RAP1A: variants seen among roughly 807,000 people sequenced by gnomAD.
RAP1A encodes the protein RAP1A, member of RAS oncogene family, also known as ras-related protein Rap-1A.
A neutral mutation model predicts 26.4 loss-of-function variants in RAP1A; 6 were observed. The ratio of observed to expected loss-of-function variants is 0.23; its 90% confidence interval spans 0.12 to 0.45. The LOEUF is 0.45. Among genes scored for constraint, RAP1A ranks in the 20% least tolerant of loss-of-function variants. The probability of loss-of-function intolerance (pLI) is 0.99; values close to 1 mark genes in which losing one functional copy is unlikely to be tolerated. For missense variants in RAP1A, 121 were observed against 217.2 expected (o/e 0.56, Z 2.78); for synonymous variants, 73 against 79.4 (o/e 0.92, Z 0.43).
intron 1 of RAP1A, among the ~76,000 whole-genome samples, chr1:111,640,041 A>G (rs944128831): frequency 1.1e-4 from 17 of 152,380 alleles, no homozygotes; most frequent in African/African-American, 3.8e-4. Flanking sequence ...TGAGTCCTTT[A>G]TCTCAGAATC....
chr1:111,716,211 G>A lies in RAP1A; in HGVS notation c.*3810G>A, dbSNP rs1662537852. 1 of 152,196 alleles carries A rather than the reference G, an allele frequency of 6.6e-6. No homozygotes were observed. The highest frequency in any genetic ancestry group is 1.5e-5 in the Non-Finnish European group (1 of 68,038). 9.4% of individuals were successfully genotyped at this position (152,196 alleles called of 1,614,324 possible). On this transcript the variant is annotated 3_prime_UTR_variant, in exon 8 of 8. Coordinates refer to ENST00000369709, the MANE Select transcript of RAP1A (RefSeq NM_002884.4). ...AGAGTGGTTTGGATTCTTGTCCAGG[G>A]TCTGGAAAGAGCTCATCTTGCCGAG...
chr1:111,699,619 C>G (rs1317448648), intron 4 of RAP1A, among the ~76,000 whole-genome samples: 1 of 151,594 alleles, frequency 6.6e-6, no homozygotes, highest in African/African-American at 2.4e-5. Flanking sequence ...TGCATACCAC[C>G]ACACCTAGCT....
chr1:111,647,855 T>A lies in RAP1A; in HGVS notation c.-28+27921T>A, dbSNP rs115053728. The stretch of plus-strand genomic sequence containing the variant: ...TGGCCAGGGATCCAGATCTAATACA[T>A]GTTAAGATCATAGCTTTTAGAATGT... On this transcript the variant is annotated intron_variant, in intron 1 of 7. Transcript: ENST00000369709. Among the ~76,000 whole-genome samples the A allele has an allele frequency of 8.6e-3, 1,313 of 152,276 alleles. 17 individuals are homozygous for A. Among genetic ancestry groups the A allele is most frequent in the African/African-American group, 0.03 (1,257 of 41,554 alleles).
At chr1:111,657,270 A>C (rs1391333901) in intron 1 of RAP1A, among the ~76,000 whole-genome samples, 4 of 152,226 alleles carry the variant, frequency 2.6e-5, no homozygotes, top group African/African-American at 9.7e-5. Context: ...ATAGTAGTCA[A>C]AACTTTGTTT....
At chr1:111,683,995 A>C (rs1661387502) in intron 1 of RAP1A, among the ~76,000 whole-genome samples, 1 of 152,150 alleles carries the variant, frequency 6.6e-6, no homozygotes, top group African/African-American at 2.4e-5. Flanking sequence ...TGGGGTGCAA[A>C]GTTGGTTCAA....
At chr1:111,636,426 C>T (rs764431459) in intron 1 of RAP1A, among the ~76,000 whole-genome samples, 6 of 151,830 alleles carry the variant, frequency 4.0e-5, no homozygotes, top group Admixed American at 6.6e-5. Flanking sequence ...CAATGTCTTG[C>T]GCCCAGTGGA....
intron 1 of RAP1A, among the ~76,000 whole-genome samples, chr1:111,562,617 AC>A (rs1259934401): frequency 6.6e-6 from 1 of 152,222 alleles, no homozygotes; most frequent in Admixed American, 6.5e-5. Context: ...ACATTTCAGG[AC>A]TAAAATTGCC....
chr1:111,546,899 G>A (rs956874938), intron 1 of RAP1A, among the ~76,000 whole-genome samples: 16 of 152,238 alleles, frequency 1.1e-4, no homozygotes, highest in African/African-American at 3.4e-4. Flanking sequence ...CAGTTCCCAA[G>A]GAATTTAATT....
At position 111,683,048 on chromosome 1, in the gene RAP1A, C is replaced by A. The variant is rs538201853; in HGVS notation, c.-27-8286C>A. On this transcript the variant is annotated intron_variant, in intron 1 of 7. Coordinates refer to ENST00000369709, the MANE Select transcript of RAP1A (RefSeq NM_002884.4). ...ACTGCACAACTACATGGAAACTGAA[C>A]AACCTGCTCCTGAATGACTACTGGG... 2.0e-5 allele frequency among the ~76,000 whole-genome samples: 3 copies of A among 152,278 alleles called. No homozygotes were observed. The South Asian group carries it at 6.2e-4, about 32-fold the overall frequency.
Position 111,703,496 on chromosome 1 carries a change from G to T in RAP1A, c.324+20G>T. 6.4e-7 allele frequency: 1 copy of T among 1,552,408 alleles called. No individual in the cohort carries two copies. The highest frequency in any genetic ancestry group is 1.4e-5 in the African/African-American group (1 of 72,570). On this transcript the variant is annotated intron_variant, in intron 5 of 7. Transcript: ENST00000369709. ...GAAGATGTAAGTATTTTTTCTCTCT[G>T]TAAGATGTTATGCCATCTCTCTGTG...
At chr1:111,542,789 C>T (rs1571451032) in intron 1 of RAP1A, among the ~76,000 whole-genome samples, 1 of 152,054 alleles carries the variant, frequency 6.6e-6, no homozygotes, top group Admixed American at 6.5e-5. Context: ...CTCCGCCTCC[C>T]GGGTTCAAGT....
intron 1 of RAP1A, chr1:111,648,814 T>C (rs1660165656): frequency 1.5e-6 from 1 of 681,170 alleles, no homozygotes; most frequent in Non-Finnish European, 2.7e-6. Context: ...GCCAGCTCAT[T>C]GTATTGGGCC....
At chr1:111,544,818 T>G (rs1656978490) in intron 1 of RAP1A, among the ~76,000 whole-genome samples, 1 of 133,682 alleles carries the variant, frequency 7.5e-6, no homozygotes, top group Non-Finnish European at 1.6e-5. Context: ...ACATACCCAA[T>G]TTCTTGGGTA....
chr1:111,657,643 G>A (rs1024458851), intron 1 of RAP1A, among the ~76,000 whole-genome samples: 2 of 151,868 alleles, frequency 1.3e-5, no homozygotes, highest in African/African-American at 4.8e-5. Context: ...TATATGGTGG[G>A]GCCCAACTCT....
chr1:111,683,501 T>G (rs931691087), intron 1 of RAP1A, among the ~76,000 whole-genome samples: 14 of 152,030 alleles, frequency 9.2e-5, no homozygotes, highest in Non-Finnish European at 1.5e-4. Context: ...GATCCCACAG[T>G]AATACAAACT....
chr1:111,654,653 C>A (rs1289594220), intron 1 of RAP1A, among the ~76,000 whole-genome samples: 1 of 151,760 alleles, frequency 6.6e-6, no homozygotes, highest in Non-Finnish European at 1.5e-5. Context: ...ATAATAAGTC[C>A]TCAGTAAGTG....
At chr1:111,652,222 C>T (rs963929857) in intron 1 of RAP1A, among the ~76,000 whole-genome samples, 1 of 152,198 alleles carries the variant, frequency 6.6e-6, no homozygotes, top group African/African-American at 2.4e-5. Context: ...GATCCACCCA[C>T]CTTAGCCTCG....
intron 1 of RAP1A, among the ~76,000 whole-genome samples, chr1:111,682,419 A>G (rs1382801147): frequency 6.6e-6 from 1 of 151,644 alleles, no homozygotes; most frequent in Non-Finnish European, 1.5e-5. Flanking sequence ...AGTGTGCTGT[A>G]TTCAGGAGAC....
chr1:111,590,324 G>A (rs568290378), intron 1 of RAP1A, among the ~76,000 whole-genome samples: 1 of 152,254 alleles, frequency 6.6e-6, no homozygotes, highest in South Asian at 2.1e-4. Context: ...GGTAGTGATG[G>A]TGGACATTCT....
Sources: gnomAD v4.1 joint callset for allele counts (sites outside exome capture counted in the v4.1 genomes callset) on GRCh38, gnomAD v4.1.1 for gene constraint, MANE v1.5 for transcripts, NCBI Gene and HGNC (gene_info 2026-07-23, HGNC 2026-07-21) for gene names.